Variants in GRID2 observed in about 807,000 individuals in gnomAD.
GRID2 encodes the protein glutamate receptor ionotropic, delta-2.
GRID2 carries 33 observed loss-of-function variants against 114.8 expected under a neutral mutation model. That is an observed-to-expected ratio of 0.29 (90% CI 0.22 to 0.38). GRID2 has a LOEUF of 0.38. Ranked by LOEUF, GRID2 falls within the 10% of genes least tolerant of loss-of-function variation. The pLI, the probability that GRID2 is intolerant of heterozygous loss-of-function variation, is 1.00. For synonymous variants in GRID2, 505 were observed against 449.9 expected (o/e 1.12, Z -1.55); for missense variants, 1,184 against 1,257.7 (o/e 0.94, Z 0.89).
chr4:93,576,709 C>T (rs1163628463), intron 13 of GRID2, among the ~76,000 whole-genome samples: 3 of 152,040 alleles, frequency 2.0e-5, no homozygotes, highest in East Asian at 3.9e-4. Flanking sequence ...TTCTTCGATA[C>T]GTGTGCATTT....
At chr4:92,919,458 A>G (rs1027307400) in intron 2 of GRID2, among the ~76,000 whole-genome samples, 5 of 152,116 alleles carry the variant, frequency 3.3e-5, no homozygotes, top group Non-Finnish European at 7.4e-5. Flanking sequence ...TGTCAATTTT[A>G]GATCTTTCCT....
At chr4:92,740,807 A>G (rs985727784) in intron 2 of GRID2, among the ~76,000 whole-genome samples, 1 of 152,004 alleles carries the variant, frequency 6.6e-6, no homozygotes, top group African/African-American at 2.4e-5. Context: ...AGTGCAGTGG[A>G]GCGATCCCGG....
chr4:93,028,335 G>A (rs1724072710), intron 2 of GRID2, among the ~76,000 whole-genome samples: 2 of 152,060 alleles, frequency 1.3e-5, no homozygotes, highest in South Asian at 4.1e-4. Flanking sequence ...TTTAGAGGGG[G>A]TGGGGATGAC....
chr4:93,678,883 A>C (rs961933450), intron 14 of GRID2, among the ~76,000 whole-genome samples: 13 of 151,044 alleles, frequency 8.6e-5, no homozygotes, highest in East Asian at 3.9e-4. Context: ...CAAGCAAAAT[A>C]ACCAGCTAAC....
intron 14 of GRID2, among the ~76,000 whole-genome samples, chr4:93,686,183 C>T (rs948320581): frequency 6.6e-6 from 1 of 151,980 alleles, no homozygotes; most frequent in Non-Finnish European, 1.5e-5. Context: ...ATCTTATCAC[C>T]ATCCACCCAA....
intron 8 of GRID2, among the ~76,000 whole-genome samples, chr4:93,358,498 A>C (rs1761560127): frequency 6.6e-6 from 1 of 151,994 alleles, no homozygotes; most frequent in Admixed American, 6.6e-5. Flanking sequence ...TAGTAAATGA[A>C]ATAACTGTAA....
intron 1 of GRID2, among the ~76,000 whole-genome samples, chr4:92,531,261 G>A (rs545428880): frequency 2.4e-4 from 37 of 151,764 alleles, no homozygotes; most frequent in African/African-American, 8.7e-4. Context: ...ATTAGGAGGA[G>A]AAAATAGTTT....
rs1011338633 is a variant in GRID2 at position 93,347,849 on chromosome 4, T to G, written c.1246-47758T>G. ...ACGCAACTTAAACACTACCTTATAC[T>G]GCATCTCTGTTGAAAAAAATGAAAG... On this transcript the variant is annotated intron_variant, in intron 8 of 15. Coordinates refer to ENST00000282020, the MANE Select transcript of GRID2 (RefSeq NM_001510.4). 3.9e-5 allele frequency among the ~76,000 whole-genome samples: 6 copies of G among 152,260 alleles called. No individual in the cohort carries two copies. The South Asian group carries it at 1.2e-3, about 32-fold the overall frequency.
chr4:93,131,129 A>G (rs1289020537), intron 4 of GRID2, among the ~76,000 whole-genome samples: 1 of 147,798 alleles, frequency 6.8e-6, no homozygotes, highest in Non-Finnish European at 1.5e-5. Context: ...TAGAACTTCC[A>G]TGAAAAGATT....
intron 8 of GRID2, among the ~76,000 whole-genome samples, chr4:93,386,766 A>C (rs2149316758): frequency 6.6e-6 from 1 of 152,246 alleles, no homozygotes; most frequent in Middle Eastern, 3.4e-3. Context: ...TAGGAATGGG[A>C]AAGTACCAAG....
At chr4:93,055,737 TA>T (rs940053617) in intron 2 of GRID2, among the ~76,000 whole-genome samples, 1 of 151,840 alleles carries the variant, frequency 6.6e-6, no homozygotes. Context: ...TCTCTGGAAG[TA>T]AAAAAACAAA....
chr4:93,179,989 T>C (rs1739730462), intron 4 of GRID2, among the ~76,000 whole-genome samples: 1 of 152,116 alleles, frequency 6.6e-6, no homozygotes, highest in South Asian at 2.1e-4. Flanking sequence ...TACGTGCTGT[T>C]TGAAGTTCTC....
rs549717758 is a variant in GRID2 at position 93,773,326 on chromosome 4, G to A, written c.*828G>A. On this transcript the variant is annotated 3_prime_UTR_variant, in exon 16 of 16. Coordinates refer to ENST00000282020, the MANE Select transcript of GRID2 (RefSeq NM_001510.4). ...AAGCTTTAGTTTAAACAAAAGTATT[G>A]TATACAGGAACTATGTATAGTGCAG... 3 of 152,182 alleles carry A rather than the reference G, an allele frequency of 2.0e-5. No individual in the cohort carries two copies. In the South Asian group the frequency reaches 6.2e-4, roughly 32 times the overall value. 9.4% of individuals were successfully genotyped at this position (152,182 alleles called of 1,614,324 possible).
chr4:92,913,493 C>T (rs942037594), intron 2 of GRID2, among the ~76,000 whole-genome samples: 10 of 151,822 alleles, frequency 6.6e-5, no homozygotes, highest in Non-Finnish European at 1.3e-4. Flanking sequence ...TATCTGAACT[C>T]CCTCTGTTTT....
intron 14 of GRID2, among the ~76,000 whole-genome samples, chr4:93,741,779 C>G (rs1047225838): frequency 3.3e-5 from 5 of 152,040 alleles, no homozygotes; most frequent in Non-Finnish European, 7.4e-5. Flanking sequence ...CAAAAATTAG[C>G]TGGGCATGGT....
chr4:93,210,092 C>T (rs970998173), intron 5 of GRID2, among the ~76,000 whole-genome samples: 5 of 152,066 alleles, frequency 3.3e-5, no homozygotes, highest in Admixed American at 2.0e-4. Context: ...TGCATAAGCT[C>T]GTTAGTTTAA....
chr4:93,771,373 C>T (rs573745786), intron 15 of GRID2, among the ~76,000 whole-genome samples: 191 of 152,278 alleles, frequency 1.3e-3, no homozygotes, highest in Non-Finnish European at 2.2e-3. Flanking sequence ...AAAGCTGGCC[C>T]TAAACTAAAG....
chr4:92,614,569 T>C (rs1008426964), intron 2 of GRID2, among the ~76,000 whole-genome samples: 39 of 151,658 alleles, frequency 2.6e-4, no homozygotes, highest in Middle Eastern at 3.2e-3. Context: ...TGTGACCAGA[T>C]AGAATACTGT....
chr4:93,118,721 G>C (rs933862996), intron 4 of GRID2, among the ~76,000 whole-genome samples: 34 of 152,102 alleles, frequency 2.2e-4, no homozygotes, highest in African/African-American at 7.2e-4. Flanking sequence ...GGCAAATGAA[G>C]CTGGAAAGAA....
Sources: allele counts gnomAD v4.1 joint callset (sites outside exome capture counted in the v4.1 genomes callset), GRCh38; gene constraint gnomAD v4.1.1; transcripts MANE v1.5; gene names NCBI Gene and HGNC (gene_info 2026-07-23, HGNC 2026-07-21).